The following ARMC9 variants were observed in gnomAD, a reference collection of about 807,000 sequenced individuals.
ARMC9 encodes armadillo repeat containing 9.
A neutral mutation model predicts 107.0 loss-of-function variants in ARMC9; 94 were observed. The observed-to-expected ratio is 0.88, with a 90% confidence interval of 0.74 to 1.04. The LOEUF (loss-of-function observed/expected upper bound fraction) is 1.04, where lower values mean the gene tolerates loss of function less well. ARMC9 is among the 50% of genes least tolerant of loss of function. ARMC9 has a pLI of 0.00. For missense variants in ARMC9, 942 were observed against 1,030.1 expected (o/e 0.91, Z 1.17); for synonymous variants, 380 against 396.9 (o/e 0.96, Z 0.51).
chr2:231,257,159 CA>C (rs1162566259), intron 10 of ARMC9, among the ~76,000 whole-genome samples: 5 of 152,110 alleles, frequency 3.3e-5, no homozygotes, highest in African/African-American at 9.7e-5. Flanking sequence ...AAGCCTCAAA[CA>C]AAAAAACCTG....
chr2:231,331,761 C>A (rs754724008), intron 19 of ARMC9, 32 bp from the exon 20 acceptor site: 12 of 1,582,894 alleles, frequency 7.6e-6, no homozygotes, highest in South Asian at 3.3e-5. Flanking sequence ...GTCAGGGTGT[C>A]CATGGCATTC....
chr2:231,356,376 C>G (rs1225375770), intron 22 of ARMC9, among the ~76,000 whole-genome samples: 2 of 152,144 alleles, frequency 1.3e-5, no homozygotes, highest in Non-Finnish European at 2.9e-5. Context: ...TTTGAAACTT[C>G]CAGCTGAGTT....
At chr2:231,367,770 G>C (rs2045873703) in intron 23 of ARMC9, among the ~76,000 whole-genome samples, 1 of 151,890 alleles carries the variant, frequency 6.6e-6, no homozygotes. Context: ...ATCACCTGAG[G>C]TCAGGAGTTT....
intron 9 of ARMC9, among the ~76,000 whole-genome samples, chr2:231,242,268 C>T (rs1478131436): frequency 6.6e-6 from 1 of 151,662 alleles, no homozygotes; most frequent in Non-Finnish European, 1.5e-5. Context: ...ATAGAAGGCA[C>T]GTAGTCATGT....
chr2:231,338,323 A>G (rs2044266940), intron 20 of ARMC9, among the ~76,000 whole-genome samples: 1 of 151,036 alleles, frequency 6.6e-6, no homozygotes, highest in East Asian at 1.9e-4. Context: ...GGTTCATGCA[A>G]TTCTCGTGCC....
intron 19 of ARMC9, among the ~76,000 whole-genome samples, chr2:231,313,286 C>G (rs2042458486): frequency 6.6e-6 from 1 of 152,188 alleles, no homozygotes; most frequent in Non-Finnish European, 1.5e-5. Context: ...ATAGCCACTT[C>G]AGCTCTCTCA....
intron 20 of ARMC9, among the ~76,000 whole-genome samples, chr2:231,334,831 T>A (rs776460183): frequency 4.6e-5 from 7 of 152,238 alleles, no homozygotes; most frequent in South Asian, 4.2e-4. Context: ...GTCATGCCCT[T>A]GCTCTTGTGG....
intron 24 of ARMC9, chr2:231,371,202 C>A: frequency 1.7e-6 from 1 of 597,516 alleles, no homozygotes. Flanking sequence ...CTGGCCTGGC[C>A]CCACATCTAG....
chr2:231,201,806 G>A (rs143841183), intron 1 of ARMC9, among the ~76,000 whole-genome samples: 1 of 152,336 alleles, frequency 6.6e-6, no homozygotes, highest in Non-Finnish European at 1.5e-5. Flanking sequence ...AGTGCCTGGA[G>A]AAGAGCTGCA....
chr2:231,219,524 C>G (rs113961516), intron 5 of ARMC9, among the ~76,000 whole-genome samples: 1 of 152,204 alleles, frequency 6.6e-6, no homozygotes, highest in African/African-American at 2.4e-5. Flanking sequence ...GGCTGTCAGT[C>G]TAATTGCCGT....
chr2:231,297,529 C>A lies in ARMC9; in HGVS notation c.1773+1276C>A, dbSNP rs1002279460. 6.6e-6 allele frequency among the ~76,000 whole-genome samples: 1 copy of A among 152,232 alleles called. No homozygotes were observed. Among genetic ancestry groups the A allele is most frequent in the Non-Finnish European group, 1.5e-5 (1 of 68,048 alleles). ...TGTAACACGGTGGCTGTCAGCAGTACATAAGTGGCTGAACGTGGCTGTGTT... is the reference window on the plus strand; with the variant it reads ...TGTAACACGGTGGCTGTCAGCAGTAAATAAGTGGCTGAACGTGGCTGTGTT... On this transcript the variant is annotated intron_variant, in intron 19 of 24. Coordinates refer to ENST00000611582, the MANE Select transcript of ARMC9 (RefSeq NM_001352754.2). This position sits in a 1 kb window ranked among gnomAD's most constrained non-coding sequence, Gnocchi z 4.2.
intron 8 of ARMC9, among the ~76,000 whole-genome samples, chr2:231,237,731 C>A (rs2035850736): frequency 2.6e-5 from 2 of 78,286 alleles, no homozygotes; most frequent in Admixed American, 3.8e-4. Flanking sequence ...AGTATATTTT[C>A]ATGTATTGTT....
chr2:231,365,116 G>T (rs1217316560), intron 23 of ARMC9, among the ~76,000 whole-genome samples: 2 of 152,238 alleles, frequency 1.3e-5, no homozygotes, highest in Non-Finnish European at 2.9e-5. Context: ...AATGGCGCTG[G>T]TCTGGCCTGA....
chr2:231,259,233 A>C, intron 11 of ARMC9, 131 bp downstream of exon 11: 1 of 789,436 alleles, frequency 1.3e-6, no homozygotes, highest in Non-Finnish European at 2.0e-6. Flanking sequence ...TGACACCAAG[A>C]ACGGAAGTCA....
Position 231,207,762 on chromosome 2 carries a change from C to T in ARMC9, c.52-365C>T, listed in dbSNP as rs563530976. 3.3e-5 allele frequency among the ~76,000 whole-genome samples: 5 copies of T among 152,370 alleles called. No individual in the cohort carries two copies. The East Asian group carries it at 7.7e-4, about 23-fold the overall frequency. On this transcript the variant is annotated intron_variant, in intron 2 of 24. Coordinates refer to ENST00000611582, the MANE Select transcript of ARMC9 (RefSeq NM_001352754.2). ...GTGCTGGGATTACAGGCTTGAGTCA[C>T]GGCTCCTGGCCGGTAGTTCTATTTT... is the stretch of plus-strand genomic sequence containing the variant.
intron 17 of ARMC9, among the ~76,000 whole-genome samples, chr2:231,283,002 G>A (rs1029394384): frequency 2.0e-5 from 3 of 152,062 alleles, no homozygotes; most frequent in African/African-American, 4.8e-5. Flanking sequence ...AAGAATGGAG[G>A]TAACATTCAG....
intron 19 of ARMC9, among the ~76,000 whole-genome samples, chr2:231,307,635 C>A (rs1480084362): frequency 1.3e-5 from 2 of 152,200 alleles, no homozygotes; most frequent in African/African-American, 4.8e-5. Context: ...CGGAAATGGA[C>A]TCTGGGCCTG....
intron 6 of ARMC9, 54 bp downstream of exon 6, chr2:231,222,874 T>TA: frequency 8.3e-7 from 1 of 1,206,408 alleles, no homozygotes; most frequent in South Asian, 1.3e-5. Flanking sequence ...AGATTTTATT[T>TA]AGAGTTGCAC....
chr2:231,228,304 G>T (rs2034854547), intron 7 of ARMC9, among the ~76,000 whole-genome samples: 1 of 152,252 alleles, frequency 6.6e-6, no homozygotes, highest in Non-Finnish European at 1.5e-5. Context: ...AGCCTGCATG[G>T]TCTGGGAGCT....
Sources: allele counts gnomAD v4.1 joint callset (sites outside exome capture counted in the v4.1 genomes callset), GRCh38; gene constraint gnomAD v4.1.1; non-coding constraint Gnocchi (gnomAD v3.1); transcripts MANE v1.5; gene names NCBI Gene and HGNC (gene_info 2026-07-23, HGNC 2026-07-21).